SNCG: variants seen among roughly 807,000 people sequenced by gnomAD.
SNCG encodes the protein synuclein gamma.
SNCG carries 13 observed loss-of-function variants against 16.0 expected under a neutral mutation model. That is an observed-to-expected ratio of 0.81 (90% confidence interval 0.53 to 1.29). SNCG has a LOEUF of 1.29. SNCG is among the 50% of genes most tolerant of loss of function. The pLI is 0.00. For missense variants in SNCG, 154 were observed against 168.5 expected (o/e 0.91, Z 0.48); for synonymous variants, 66 against 66.3 (o/e 1.00, Z 0.02).
upstream of SNCG, chr10:86,958,497 T>TGCCAACCAAACCACC: frequency 9.1e-7 from 1 of 1,098,150 alleles, no homozygotes; most frequent in Non-Finnish European, 1.2e-6. Context: ...TGAACCTCCT[T>TGCCAACCAAACCACC]CCCTCCCTCC....
At chr10:86,962,462 C>A in intron 3 of SNCG, 142 bp from the exon 4 acceptor site, 5 of 592,588 alleles carry the variant, frequency 8.4e-6, no homozygotes, top group Non-Finnish European at 1.5e-5. Flanking sequence ...GCCCCCAATA[C>A]CTCCAGCCCC....
At chr10:86,956,416 G>A (rs142451247), upstream of SNCG, among the ~76,000 whole-genome samples, 10 of 152,294 alleles carry the variant, frequency 6.6e-5, no homozygotes, top group Admixed American at 1.3e-4. Context: ...CTCATACACC[G>A]CACAGAAGTG....
Position 86,959,820 on chromosome 10 carries a change from A to T in SNCG, c.163+146A>T. The stretch of plus-strand genomic sequence containing the variant: ...AGACCCCTGCAGACCATGAGGCTAA[A>T]CTAGGGTGGGCGTCTCCTTACCCCC... On this transcript the variant is annotated intron_variant, in intron 2 of 4. Coordinates refer to ENST00000372017, the MANE Select transcript of SNCG (RefSeq NM_003087.3). The surrounding 1 kb of genome is among the most constrained non-coding windows in gnomAD (Gnocchi z 4.3). 7.9e-7 allele frequency: 1 copy of T among 1,258,826 alleles called. No homozygotes were observed. Among genetic ancestry groups the T allele is most frequent in the Middle Eastern group, 2.1e-4 (1 of 4,704 alleles). The allele number at this position is 1,258,826 out of a possible 1,614,324, so 78.0% of individuals were successfully genotyped here. A position where few individuals can be genotyped will look rare whatever the true frequency, so the allele number is the denominator to read the frequency against.
chr10:86,958,910 G>C, intron 1 of SNCG, 92 bp downstream of exon 1: 1 of 1,420,114 alleles, frequency 7.0e-7, no homozygotes, highest in East Asian at 2.3e-5. Flanking sequence ...GCCCCAGGGA[G>C]GCATTTTGGG....
chr10:86,958,339 G>T (rs963635062), upstream of SNCG: 3 of 985,282 alleles, frequency 3.0e-6, no homozygotes, highest in Non-Finnish European at 2.4e-6. Flanking sequence ...CCCCATGGGT[G>T]GGCAGGGCAG....
intron 3 of SNCG, among the ~76,000 whole-genome samples, chr10:86,960,390 C>T (rs1407560931): frequency 1.3e-5 from 2 of 152,208 alleles, no homozygotes; most frequent in East Asian, 3.9e-4. Context: ...AGGCTCAAAA[C>T]CACATCTTCC....
chr10:86,960,429 C>A (rs1299437361), intron 3 of SNCG, among the ~76,000 whole-genome samples: 1 of 152,128 alleles, frequency 6.6e-6, no homozygotes, highest in East Asian at 1.9e-4. Context: ...AGGAGACACC[C>A]CATTTTATAA....
chr10:86,962,643 G>A lies in SNCG; in HGVS notation c.331G>A (p.Ala111Thr), dbSNP rs750164241. 5.6e-6 allele frequency: 9 copies of A among 1,612,824 alleles called. No individual in the cohort carries two copies. In the Admixed American group the frequency reaches 1.5e-4, roughly 27 times the overall value. ...ATCTGCCCCCCAACAGGAGGGTGAG[G>A]CATCCAAAGAGAAAGAGGAAGTGGC... is the stretch of plus-strand genomic sequence containing the variant. ...RPSAPQQEGE[A>T]SKEKEEVAEE... Residue 111 changes from alanine (A) to threonine (T), a missense_variant, in exon 4 of 5, where the codon GCA (alanine) becomes ACA (threonine). Transcript: ENST00000372017.
chr10:86,957,194 T>C (rs1844249068), upstream of SNCG, among the ~76,000 whole-genome samples: 3 of 152,250 alleles, frequency 2.0e-5, no homozygotes, highest in South Asian at 6.2e-4. Flanking sequence ...TCCCTGCAAT[T>C]CTTAGGTGGA....
intron 3 of SNCG, among the ~76,000 whole-genome samples, chr10:86,961,874 C>A (rs1043576634): frequency 6.6e-6 from 1 of 152,256 alleles, no homozygotes; most frequent in African/African-American, 2.4e-5. Flanking sequence ...GCCTCCCCCC[C>A]GTCCCCCGCC....
chr10:86,960,281 T>C (rs1251656313), intron 3 of SNCG, among the ~76,000 whole-genome samples, 153 bp downstream of exon 3: 1 of 152,016 alleles, frequency 6.6e-6, no homozygotes, highest in African/African-American at 2.4e-5. Context: ...CGGCATGGGG[T>C]GGGGTCCATG....
In SNCG at chr10:86,960,134, C is replaced by T; in HGVS notation, c.291+6C>T. The T allele has an allele frequency of 6.2e-7, 1 of 1,609,710 alleles. No individual in the cohort carries two copies. ...CCTCCGGGGTGGTGCGCAAGGTGAGCCCCGGCCCTCAGACCTGCCCAGTCC... is the reference window on the plus strand; with the variant it reads ...CCTCCGGGGTGGTGCGCAAGGTGAGTCCCGGCCCTCAGACCTGCCCAGTCC... On this transcript the variant is annotated splice_donor_region_variant and intron_variant, in intron 3 of 4. Coordinates refer to ENST00000372017, the MANE Select transcript of SNCG (RefSeq NM_003087.3).
chr10:86,957,787 C>A, upstream of SNCG: 1 of 1,310,238 alleles, frequency 7.6e-7, no homozygotes, highest in Non-Finnish European at 9.7e-7. Context: ...CTCAGGGACT[C>A]TGGGAATGTG....
rs1025139564 is a variant in SNCG at position 86,959,391 on chromosome 10, C to G, written c.122-242C>G. 2.2e-5 allele frequency: 13 copies of G among 585,910 alleles called. No homozygotes were observed. The highest frequency in any genetic ancestry group is 3.9e-5 in the Non-Finnish European group (13 of 330,316). The allele number at this position is 585,910 out of a possible 1,614,324, so 36.3% of individuals were successfully genotyped here. A position where few individuals can be genotyped will look rare whatever the true frequency, so the allele number is the denominator to read the frequency against. ...GGCAGGGGCTGGACCCTGGGTCTAG[C>G]CAGTGTCCCTACCTCAGGCCTGCTC... On this transcript the variant is annotated intron_variant, in intron 1 of 4. Transcript: ENST00000372017. This position sits in a 1 kb window ranked among gnomAD's most constrained non-coding sequence, Gnocchi z 4.3.
In SNCG at chr10:86,963,002, G is replaced by A. The variant is rs770449294; in HGVS notation, c.*17G>A. The A allele has an allele frequency of 2.0e-5, 32 of 1,600,422 alleles. No homozygotes were observed. The Admixed American group carries it at 2.4e-4, about 12-fold the overall frequency. On this transcript the variant is annotated 3_prime_UTR_variant, in exon 5 of 5. Transcript: ENST00000372017. ...GGAGACTAGAGGGCTACAGGCCAGCGTGGATGACCTGAAGAGCGCTCCTCT... is the reference window on the plus strand; with the variant it reads ...GGAGACTAGAGGGCTACAGGCCAGCATGGATGACCTGAAGAGCGCTCCTCT...
At chr10:86,962,492 C>A in intron 3 of SNCG, 112 bp from the exon 4 acceptor site, 1 of 695,680 alleles carries the variant, frequency 1.4e-6, no homozygotes, top group Non-Finnish European at 2.5e-6. Context: ...AACAAGGCCA[C>A]GAGGGGCCTC....
chr10:86,957,565 TCACACTCAGCCTTGGC>T (rs1405809996), upstream of SNCG: 1 of 1,591,708 alleles, frequency 6.3e-7, no homozygotes, highest in Non-Finnish European at 8.5e-7. Flanking sequence ...CAGGCTCAGC[TCACACTCAGCCTTGGC>T]AAGTAGCTCC....
At chr10:86,956,737 C>T (rs1397971664), upstream of SNCG, among the ~76,000 whole-genome samples, 1 of 152,224 alleles carries the variant, frequency 6.6e-6, no homozygotes, top group Admixed American at 6.5e-5. Context: ...TAAACAGCAC[C>T]TGCTGCTCTG....
upstream of SNCG, chr10:86,957,387 G>C (rs1844252702): frequency 4.3e-6 from 7 of 1,613,172 alleles, no homozygotes; most frequent in Non-Finnish European, 5.9e-6. Flanking sequence ...CCGTCCTACG[G>C]GGTCCTTGCC....
Sources: allele counts gnomAD v4.1 joint callset (sites outside exome capture counted in the v4.1 genomes callset), GRCh38; gene constraint gnomAD v4.1.1; non-coding constraint Gnocchi (gnomAD v3.1); transcripts MANE v1.5; gene names NCBI Gene and HGNC (gene_info 2026-07-23, HGNC 2026-07-21).